STAT1: variants seen among roughly 807,000 people sequenced by gnomAD.
The protein encoded by STAT1 is signal transducer and activator of transcription 1-alpha/beta.
Under a neutral mutation model 111.7 loss-of-function variants are expected in STAT1, and 24 were observed. The observed-to-expected ratio is 0.21, with a 90% confidence interval of 0.16 to 0.30. The LOEUF (loss-of-function observed/expected upper bound fraction) is 0.30, where lower values mean the gene tolerates loss of function less well. Ranked by LOEUF, STAT1 falls within the 10% of genes least tolerant of loss-of-function variation. The pLI, the probability that STAT1 is intolerant of heterozygous loss-of-function variation, is 1.00. For synonymous variants in STAT1, 332 were observed against 326.5 expected (o/e 1.02, Z -0.18); for missense variants, 351 against 911.9 (o/e 0.38, Z 7.92).
rs780063861 is a variant in STAT1, at chr2:191,000,984, C to T, written c.462+90G>A. 2.8e-6 allele frequency: 3 copies of T among 1,082,820 alleles called. No homozygotes were observed. Among genetic ancestry groups the T allele is most frequent in the Non-Finnish European group, 4.3e-6 (3 of 700,660 alleles). The allele number at this position is 1,082,820 out of a possible 1,614,324, so 67.1% of individuals were successfully genotyped here. On this transcript the variant is annotated intron_variant, in intron 6 of 24. Transcript: ENST00000361099. The surrounding 1 kb of genome is among the most constrained non-coding windows in gnomAD (Gnocchi z 4.8). ...TCCCAACTACTTAAAAGACTGAACTCAGTTACGAGGTTTACACCCCAAGCA... is the reference window on the plus strand; with the variant it reads ...TCCCAACTACTTAAAAGACTGAACTTAGTTACGAGGTTTACACCCCAAGCA...
At position 191,012,648 on chromosome 2, in the gene STAT1, A is replaced by G. The variant is rs547804875; in HGVS notation, c.-2+877T>C. On this transcript the variant is annotated intron_variant, in intron 2 of 24. Coordinates refer to ENST00000361099, the MANE Select transcript of STAT1 (RefSeq NM_007315.4). The surrounding 1 kb of genome is among the most constrained non-coding windows in gnomAD (Gnocchi z 4.0). ...CTCTGCTGCCCACAGATTGGACCAC[A>G]TCAATCTCCTGTGCAAAAATCCTAT... is the stretch of plus-strand genomic sequence containing the variant. 2.6e-5 allele frequency among the ~76,000 whole-genome samples: 4 copies of G among 152,232 alleles called. No individual in the cohort carries two copies. The highest frequency in any genetic ancestry group is 9.6e-5 in the African/African-American group (4 of 41,532).
chr2:190,978,716 A>C lies in STAT1; in HGVS notation c.1873+140T>G. ...CATTTGTGGTGGTTTATTAAATCCT[A>C]TCGGGGGCTCATTTGGGGTAAGTAT... On this transcript the variant is annotated intron_variant, in intron 21 of 24. Transcript: ENST00000361099. The surrounding 1 kb of genome is among the most constrained non-coding windows in gnomAD (Gnocchi z 6.1). 2 of 1,050,882 alleles carry C rather than the reference A, an allele frequency of 1.9e-6. No individual in the cohort carries two copies. The highest frequency in any genetic ancestry group is 4.0e-5 in the Admixed American group (2 of 50,012). The allele number at this position is 1,050,882 out of a possible 1,614,324, so 65.1% of individuals were successfully genotyped here.
intron 3 of STAT1, 27 bp downstream of exon 3, chr2:191,009,849 T>C (rs980053697): frequency 6.2e-7 from 1 of 1,613,216 alleles, no homozygotes; most frequent in African/African-American, 1.3e-5. Context: ...TGTAAACTTC[T>C]TCTTCTGTCT....
At chr2:190,985,149 A>T (rs556137975) in intron 15 of STAT1, among the ~76,000 whole-genome samples, 12 of 152,374 alleles carry the variant, frequency 7.9e-5, no homozygotes, top group African/African-American at 2.4e-4. Context: ...TCACAAACCC[A>T]ACTCCTTAAG....
intron 10 of STAT1, among the ~76,000 whole-genome samples, chr2:190,992,935 G>A (rs377456738): frequency 7.9e-5 from 12 of 151,764 alleles, no homozygotes; most frequent in East Asian, 5.8e-4. Context: ...GATTACAGGC[G>A]CCCGCCACCA....
Position 191,007,949 on chromosome 2 carries a change from T to A in STAT1, c.274-288A>T. On this transcript the variant is annotated intron_variant, in intron 4 of 24. Coordinates refer to ENST00000361099, the MANE Select transcript of STAT1 (RefSeq NM_007315.4). This position sits in a 1 kb window ranked among gnomAD's most constrained non-coding sequence, Gnocchi z 4.2. ...TTTTACTTTAATATCTTTCCATATT[T>A]CTTAAGGCCAATTATCTTTGGTTAG... 2 of 496,504 alleles carry A rather than the reference T, an allele frequency of 4.0e-6. No individual in the cohort carries two copies. The highest frequency in any genetic ancestry group is 3.2e-5 in the South Asian group (2 of 61,978). 30.8% of individuals were successfully genotyped at this position (496,504 alleles called of 1,614,324 possible). A position where few individuals can be genotyped will look rare whatever the true frequency, so the allele number is the denominator to read the frequency against.
intron 2 of STAT1, among the ~76,000 whole-genome samples, chr2:191,010,680 T>C (rs1695052512): frequency 2.0e-5 from 3 of 152,276 alleles, no homozygotes; most frequent in Admixed American, 1.3e-4. Context: ...TAAAATTCAT[T>C]ATTTTTCTTA....
chr2:190,996,726 TA>T lies in STAT1; in HGVS notation c.785+1129del, dbSNP rs1366829992. ...GGCTGAATATTAATTGTGATTTTTT[TA>T]AAAACTGGCAATATAGAAAATAACC... On this transcript the variant is annotated intron_variant, in intron 9 of 24. Transcript: ENST00000361099. The surrounding 1 kb of genome is among the most constrained non-coding windows in gnomAD (Gnocchi z 4.5). Among the ~76,000 whole-genome samples the T allele has an allele frequency of 6.6e-6, 1 of 152,204 alleles. No homozygotes were observed. The highest frequency in any genetic ancestry group is 1.5e-5 in the Non-Finnish European group (1 of 68,026).
chr2:191,011,321 C>T (rs536224583), intron 2 of STAT1, among the ~76,000 whole-genome samples: 1 of 152,300 alleles, frequency 6.6e-6, no homozygotes, highest in South Asian at 2.1e-4. Context: ...TAAGGATCTA[C>T]CTAAAGCAGA....
chr2:190,983,590 A>G lies in STAT1; in HGVS notation c.1446+52T>C. On this transcript the variant is annotated intron_variant, in intron 17 of 24. Transcript: ENST00000361099. The surrounding 1 kb of genome is among the most constrained non-coding windows in gnomAD (Gnocchi z 5.7). ...GCTATTTCAGAGATGCAGCAGTGAG[A>G]GCGTGGGGTCTCTGCTTAACCCTGG... The G allele has an allele frequency of 4.7e-6, 7 of 1,503,962 alleles. No individual in the cohort carries two copies. Among genetic ancestry groups the G allele is most frequent in the South Asian group, 1.1e-5 (1 of 88,906 alleles). 93.2% of individuals were successfully genotyped at this position (1,503,962 alleles called of 1,614,324 possible). A position where few individuals can be genotyped will look rare whatever the true frequency, so the allele number is the denominator to read the frequency against.
chr2:190,999,554 A>T lies in STAT1; in HGVS notation c.541+72T>A. On this transcript the variant is annotated intron_variant, in intron 7 of 24. Transcript: ENST00000361099. This position sits in a 1 kb window ranked among gnomAD's most constrained non-coding sequence, Gnocchi z 4.1. Reference sequence around the variant, plus strand: ...AATACTCGGCAAATAGAAAGGAGTAATCATCTTCGTTATCTAGTGTGAACA... The same window carrying T: ...AATACTCGGCAAATAGAAAGGAGTATTCATCTTCGTTATCTAGTGTGAACA... 4 of 1,029,734 alleles carry T rather than the reference A, an allele frequency of 3.9e-6. 1 individual carries two copies. The South Asian group carries it at 5.1e-5, about 13-fold the overall frequency. The allele number at this position is 1,029,734 out of a possible 1,614,324, so 63.8% of individuals were successfully genotyped here.
At position 190,999,179 on chromosome 2, in the gene STAT1, G is replaced by A. The variant is rs572339435; in HGVS notation, c.541+447C>T. On this transcript the variant is annotated intron_variant, in intron 7 of 24. Coordinates refer to ENST00000361099, the MANE Select transcript of STAT1 (RefSeq NM_007315.4). This position sits in a 1 kb window ranked among gnomAD's most constrained non-coding sequence, Gnocchi z 4.1. ...CTGTGTATACACGTGGCCCTGCAAC[G>A]TTTGAAGAAACCTGAGATATTAGGG... 3.4e-4 allele frequency among the ~76,000 whole-genome samples: 52 copies of A among 152,310 alleles called. No individual in the cohort carries two copies. Among genetic ancestry groups the A allele is most frequent in the African/African-American group, 1.1e-3 (45 of 41,562 alleles).
Position 190,986,550 on chromosome 2 carries a change from C to T in STAT1, c.1221+304G>A, listed in dbSNP as rs1692837124. Among the ~76,000 whole-genome samples the T allele has an allele frequency of 1.3e-5, 2 of 152,198 alleles. No individual in the cohort carries two copies. Among genetic ancestry groups the T allele is most frequent in the African/African-American group, 2.4e-5 (1 of 41,436 alleles). On this transcript the variant is annotated intron_variant, in intron 14 of 24. Transcript: ENST00000361099. This position sits in a 1 kb window ranked among gnomAD's most constrained non-coding sequence, Gnocchi z 5.0. ...GGAGCCATAACCTTTGAGAAAACTG[C>T]AAGCGTAGGTGAGTGACCGTGGGGA...
rs1392108646 is a variant in STAT1 at position 190,998,131 on chromosome 2, T to C, written c.633+86A>G. The stretch of plus-strand genomic sequence containing the variant: ...ACTGGGGCTCTAAGCCAGGTGGCTA[T>C]AATTTTTCCTCTCTTCTAAACTTTG... On this transcript the variant is annotated intron_variant, in intron 8 of 24. Transcript: ENST00000361099. This position sits in a 1 kb window ranked among gnomAD's most constrained non-coding sequence, Gnocchi z 4.1. 2 of 1,560,202 alleles carry C rather than the reference T, an allele frequency of 1.3e-6. No homozygotes were observed. The highest frequency in any genetic ancestry group is 1.8e-6 in the Non-Finnish European group (2 of 1,134,834).
Position 190,978,578 on chromosome 2 carries a change from C to T in STAT1, c.1873+278G>A. The T allele has an allele frequency of 2.1e-6, 1 of 481,896 alleles. No homozygotes were observed. Among genetic ancestry groups the T allele is most frequent in the South Asian group, 2.0e-5 (1 of 49,256 alleles). 29.9% of individuals were successfully genotyped at this position (481,896 alleles called of 1,614,324 possible). A position where few individuals can be genotyped will look rare whatever the true frequency, so the allele number is the denominator to read the frequency against. On this transcript the variant is annotated intron_variant, in intron 21 of 24. Coordinates refer to ENST00000361099, the MANE Select transcript of STAT1 (RefSeq NM_007315.4). This position sits in a 1 kb window ranked among gnomAD's most constrained non-coding sequence, Gnocchi z 6.1. ...AAGAACGGGTTGCAGATTACATTGA[C>T]TCACATCCTTGATCTGCAGATAACA...
chr2:190,995,328 T>C lies in STAT1; in HGVS notation c.786-109A>G. ...CATTCTCATGCTGCTAATAAAGACA[T>C]ACTCGAGACTGGAGAATTTATAAAG... On this transcript the variant is annotated intron_variant, in intron 9 of 24. Transcript: ENST00000361099. This position sits in a 1 kb window ranked among gnomAD's most constrained non-coding sequence, Gnocchi z 4.2. The C allele has an allele frequency of 9.1e-7, 1 of 1,096,870 alleles. No individual in the cohort carries two copies. The highest frequency in any genetic ancestry group is 1.4e-6 in the Non-Finnish European group (1 of 722,226). The allele number at this position is 1,096,870 out of a possible 1,614,324, so 67.9% of individuals were successfully genotyped here.
At chr2:190,985,097 C>G (rs1462537290) in intron 15 of STAT1, among the ~76,000 whole-genome samples, 2 of 152,236 alleles carry the variant, frequency 1.3e-5, no homozygotes, top group African/African-American at 4.8e-5. Context: ...CAAAACAACT[C>G]CAGATATTTC....
At position 190,978,966 on chromosome 2, in the gene STAT1, C is replaced by T. The variant is rs2125007602; in HGVS notation, c.1763G>A (p.Arg588His). Residue 588 changes from arginine (R) to histidine (H), a missense_variant, in exon 21 of 25, where the codon CGT (arginine) becomes CAT (histidine). Coordinates refer to ENST00000361099, the MANE Select transcript of STAT1 (RefSeq NM_007315.4). The surrounding 1 kb of genome is among the most constrained non-coding windows in gnomAD (Gnocchi z 6.1). ...IMGFISKERE[R>H]ALLKDQQPGT... Reference sequence around the variant, plus strand: ...CGGCTGCTGGTCCTTCAACAGGGCACGCTCTCGCTCCTTGCTGATGAAGCC... The same window carrying T: ...CGGCTGCTGGTCCTTCAACAGGGCATGCTCTCGCTCCTTGCTGATGAAGCC... 6.2e-7 allele frequency: 1 copy of T among 1,614,164 alleles called. No homozygotes were observed. Among genetic ancestry groups the T allele is most frequent in the Non-Finnish European group, 8.5e-7 (1 of 1,180,024 alleles).
rs1553491448 is a variant in STAT1 at position 190,971,702 on chromosome 2, CTT to C, written c.2239-987_2239-986del. Among the ~76,000 whole-genome samples, 15,034 of 51,340 alleles carry C rather than the reference CTT, an allele frequency of 0.29. 868 individuals are homozygous for C. The highest frequency in any genetic ancestry group is 0.33 in the Non-Finnish European group (8,693 of 26,194). The allele number at this position is 51,340 out of a possible 152,430, so 33.7% of individuals were successfully genotyped here. A position where few individuals can be genotyped will look rare whatever the true frequency, so the allele number is the denominator to read the frequency against. On this transcript the variant is annotated intron_variant, in intron 24 of 24. Coordinates refer to ENST00000361099, the MANE Select transcript of STAT1 (RefSeq NM_007315.4). This position sits in a 1 kb window ranked among gnomAD's most constrained non-coding sequence, Gnocchi z 4.1. ...TCAGTCTAGCTTATGTTTCTCTTTT[CTT>C]TTTCTTTCTTTTTTTTTTTCAAATT...
Sources: allele counts gnomAD v4.1 joint callset (sites outside exome capture counted in the v4.1 genomes callset), GRCh38; gene constraint gnomAD v4.1.1; non-coding constraint Gnocchi (gnomAD v3.1); transcripts MANE v1.5; gene names NCBI Gene and HGNC (gene_info 2026-07-23, HGNC 2026-07-21).